Variants in ETS2 observed in about 807,000 individuals in gnomAD.
ETS2 encodes the protein protein C-ets-2.
A neutral mutation model predicts 54.9 loss-of-function variants in ETS2; 19 were observed. That is an observed-to-expected ratio of 0.35 (90% CI 0.24 to 0.51). The LOEUF is 0.51. Ranked by LOEUF, ETS2 falls within the 20% of genes least tolerant of loss-of-function variation. ETS2 has a pLI of 0.97. For missense variants in ETS2, 417 were observed against 593.0 expected (o/e 0.70, Z 3.08); for synonymous variants, 219 against 229.3 (o/e 0.95, Z 0.41).
rs1601434046 is a variant in ETS2, at chr21:38,822,842, G to A, written c.1363G>A (p.Glu455Lys). Reference protein sequence around the residue: ...DLQNLLGFTPEELHAILGVQP... With the variant: ...DLQNLLGFTPKELHAILGVQP... ...CCAGAACTTGCTGGGGTTCACGCCC[G>A]AGGAACTGCACGCCATCCTGGGCGT... The change falls in exon 10 of 10, where the codon GAG becomes AAG. Residue 455 changes from glutamate to lysine, a missense_variant. Glu to Lys is a moderately conservative substitution (Grantham distance 56). Around this residue, in one of 3 missense-constraint regions of ETS2, gnomAD observed 31 missense variants for 32.8 expected, o/e 0.95. Coordinates refer to ENST00000360938, the MANE Select transcript of ETS2 (RefSeq NM_005239.6). The A allele has an allele frequency of 6.2e-7, 1 of 1,608,352 alleles. No individual in the cohort carries two copies. Among genetic ancestry groups the A allele is most frequent in the Admixed American group, 1.7e-5 (1 of 59,704 alleles).
rs1248128805 is a variant in ETS2 at position 38,821,133 on chromosome 21, G to A, written c.1076-453G>A. 6.6e-6 allele frequency among the ~76,000 whole-genome samples: 1 copy of A among 152,136 alleles called. No homozygotes were observed. The highest frequency in any genetic ancestry group is 1.5e-5 in the Non-Finnish European group (1 of 68,036). On this transcript the variant is annotated intron_variant, in intron 8 of 9. Transcript: ENST00000360938. The surrounding 1 kb of genome is among the most constrained non-coding windows in gnomAD (Gnocchi z 4.2). ...GCAGGAAGGTGGCATGGGATCCCAC[G>A]TATGACACGCCTCATTCTGTGATGA...
intron 1 of ETS2, among the ~76,000 whole-genome samples, chr21:38,809,249 G>C (rs2060904987): frequency 6.6e-6 from 1 of 152,136 alleles, no homozygotes; most frequent in East Asian, 1.9e-4. Context: ...CTAGCCACTG[G>C]TTGAGAGCTC....
chr21:38,820,655 G>T (rs1270330568), intron 8 of ETS2, among the ~76,000 whole-genome samples: 1 of 152,196 alleles, frequency 6.6e-6, no homozygotes, highest in East Asian at 1.9e-4. Context: ...CATGGGGGTG[G>T]TATGAGGCCA....
Position 38,814,695 on chromosome 21 carries a change from G to T in ETS2, c.305-86G>T, listed in dbSNP as rs2060926048. The stretch of plus-strand genomic sequence containing the variant: ...TGGGTTCTGGTGTATGTCGGTACTT[G>T]GTGCATAAATTAGGGATGACAGTGG... On this transcript the variant is annotated intron_variant, in intron 4 of 9. Transcript: ENST00000360938. This position sits in a 1 kb window ranked among gnomAD's most constrained non-coding sequence, Gnocchi z 4.2. 10 of 1,210,648 alleles carry T rather than the reference G, an allele frequency of 8.3e-6. No individual in the cohort carries two copies. In the South Asian group the frequency reaches 1.2e-4, roughly 14 times the overall value. The allele number at this position is 1,210,648 out of a possible 1,614,324, so 75.0% of individuals were successfully genotyped here.
In ETS2 at chr21:38,806,851, T is replaced by G. The variant is rs1445467533; in HGVS notation, c.-1+731T>G. On this transcript the variant is annotated intron_variant, in intron 1 of 9. Transcript: ENST00000360938. The surrounding 1 kb of genome is among the most constrained non-coding windows in gnomAD (Gnocchi z 4.3). ...TGTGTGTGTTTGGGTTGCGTGTGTG[T>G]TATCCTATTTTATTTTTTACGGCAG... 10 of 985,122 alleles carry G rather than the reference T, an allele frequency of 1.0e-5. No individual in the cohort carries two copies. The highest frequency in any genetic ancestry group is 1.1e-5 in the Non-Finnish European group (9 of 829,752). 61.0% of individuals were successfully genotyped at this position (985,122 alleles called of 1,614,324 possible).
At chr21:38,820,877 G>A (rs1398601441) in intron 8 of ETS2, among the ~76,000 whole-genome samples, 1 of 152,212 alleles carries the variant, frequency 6.6e-6, no homozygotes. Flanking sequence ...GTGTGATCCA[G>A]GACAAGGCAC....
rs2060968020 is a variant in ETS2 at position 38,823,805 on chromosome 21, C to T, written c.*916C>T. The T allele has an allele frequency of 6.6e-6, 1 of 152,552 alleles. No homozygotes were observed. Among genetic ancestry groups the T allele is most frequent in the South Asian group, 2.1e-4 (1 of 4,830 alleles). 9.4% of individuals were successfully genotyped at this position (152,552 alleles called of 1,614,324 possible). ...AAGCAGTATTTTTCTTGACAAATGG[C>T]ATATGTTTTCCACTTCTTTGCATGC... On this transcript the variant is annotated 3_prime_UTR_variant, in exon 10 of 10. Coordinates refer to ENST00000360938, the MANE Select transcript of ETS2 (RefSeq NM_005239.6).
chr21:38,818,139 G>T (rs955213490), intron 6 of ETS2, among the ~76,000 whole-genome samples: 4 of 152,208 alleles, frequency 2.6e-5, no homozygotes, highest in Non-Finnish European at 5.9e-5. Context: ...GAGCCAGTGA[G>T]CCCTGTCTTC....
chr21:38,805,981 C>G lies in ETS2; in HGVS notation c.-140C>G. On this transcript the variant is annotated 5_prime_UTR_variant, in exon 1 of 10. Coordinates refer to ENST00000360938, the MANE Select transcript of ETS2 (RefSeq NM_005239.6). This position sits in a 1 kb window ranked among gnomAD's most constrained non-coding sequence, Gnocchi z 5.2. Reference sequence around the variant, plus strand: ...GCGGTGTCGCTCCAGCTCAGAGCTCCCGGAGCCGCCCGGCCAGCGTCCGGC... The same window carrying G: ...GCGGTGTCGCTCCAGCTCAGAGCTCGCGGAGCCGCCCGGCCAGCGTCCGGC... The G allele has an allele frequency of 7.9e-7, 1 of 1,264,094 alleles. No homozygotes were observed. Among genetic ancestry groups the G allele is most frequent in the Non-Finnish European group, 1.0e-6 (1 of 979,152 alleles). The allele number at this position is 1,264,094 out of a possible 1,614,324, so 78.3% of individuals were successfully genotyped here.
chr21:38,816,900 A>G (rs2060937554), intron 5 of ETS2, 108 bp from the exon 6 acceptor site: 1 of 686,302 alleles, frequency 1.5e-6, no homozygotes, highest in Non-Finnish European at 2.6e-6. Context: ...CACTCCGTGC[A>G]TCTCATCATT....
At chr21:38,818,705 C>T in intron 7 of ETS2, 59 bp downstream of exon 7, 1 of 1,567,568 alleles carries the variant, frequency 6.4e-7, no homozygotes, top group Non-Finnish European at 8.8e-7. Context: ...ACCCCAGAGC[C>T]ATAATGAACC....
In ETS2 at chr21:38,806,012, T is replaced by A. The variant is rs1401758360; in HGVS notation, c.-109T>A. On this transcript the variant is annotated 5_prime_UTR_variant, in exon 1 of 10. Coordinates refer to ENST00000360938, the MANE Select transcript of ETS2 (RefSeq NM_005239.6). This position sits in a 1 kb window ranked among gnomAD's most constrained non-coding sequence, Gnocchi z 4.3. ...CCGCCCGGCCAGCGTCCGGCCTCCC[T>A]GATCGTCTCTGGCCGGCGCCCTCGC... 1.6e-6 allele frequency: 2 copies of A among 1,260,820 alleles called. No individual in the cohort carries two copies. The highest frequency in any genetic ancestry group is 1.6e-5 in the African/African-American group (1 of 62,240). 78.1% of individuals were successfully genotyped at this position (1,260,820 alleles called of 1,614,324 possible).
intron 6 of ETS2, among the ~76,000 whole-genome samples, 179 bp downstream of exon 6, chr21:38,817,270 G>T (rs915630923): frequency 6.6e-6 from 1 of 152,218 alleles, no homozygotes; most frequent in African/African-American, 2.4e-5. Context: ...GAGATGTGTA[G>T]GAAGAGTATA....
rs571290575 is a variant in ETS2 at position 38,821,972 on chromosome 21, C to T, written c.1194+268C>T. On this transcript the variant is annotated intron_variant, in intron 9 of 9. Coordinates refer to ENST00000360938, the MANE Select transcript of ETS2 (RefSeq NM_005239.6). This position sits in a 1 kb window ranked among gnomAD's most constrained non-coding sequence, Gnocchi z 4.2. ...TTGTCTGATCAAGAGGCCCAAGCTGCAAACTGAGGTTCTCTGCTGACCATC... is the reference window on the plus strand; with the variant it reads ...TTGTCTGATCAAGAGGCCCAAGCTGTAAACTGAGGTTCTCTGCTGACCATC... 4.5e-4 allele frequency among the ~76,000 whole-genome samples: 68 copies of T among 152,274 alleles called. No individual in the cohort carries two copies. The highest frequency in any genetic ancestry group is 8.3e-4 in the South Asian group (4 of 4,824).
rs1441888060 is a variant in ETS2 at position 38,816,990 on chromosome 21, C to T, written c.506-18C>T. 1.3e-6 allele frequency: 2 copies of T among 1,492,142 alleles called. No homozygotes were observed. The highest frequency in any genetic ancestry group is 1.7e-5 in the Admixed American group (1 of 59,842). 92.4% of individuals were successfully genotyped at this position (1,492,142 alleles called of 1,614,324 possible). A position where few individuals can be genotyped will look rare whatever the true frequency, so the allele number is the denominator to read the frequency against. On this transcript the variant is annotated intron_variant, in intron 5 of 9. Coordinates refer to ENST00000360938, the MANE Select transcript of ETS2 (RefSeq NM_005239.6). The stretch of plus-strand genomic sequence containing the variant: ...CACCTACATCTGCCATCTTACGTCT[C>T]CTGTGTCTGCTTTTCAGAAAACCAA...
At position 38,819,661 on chromosome 21, in the gene ETS2, C is replaced by A. The variant is rs1001566013; in HGVS notation, c.970C>A (p.Leu324Ile). ...FEDDCSQSLC[L>I]NKPTMSFKDY... ...AGATGACTGCAGCCAGTCTCTCTGCCTCAATAAGCCAACCATGTCTTTCAA... is the reference window on the plus strand; with the variant it reads ...AGATGACTGCAGCCAGTCTCTCTGCATCAATAAGCCAACCATGTCTTTCAA... The change falls in exon 8 of 10, where the codon CTC becomes ATC. Residue 324 changes from leucine (L) to isoleucine (I), a missense_variant. This residue lies in a region of ETS2 where 326 missense variants were observed against 426.1 expected (regional missense o/e 0.76). Transcript: ENST00000360938. 15 of 1,614,136 alleles carry A rather than the reference C, an allele frequency of 9.3e-6. No individual in the cohort carries two copies. The highest frequency in any genetic ancestry group is 1.2e-5 in the Non-Finnish European group (14 of 1,180,018).
rs574675392 is a variant in ETS2 at position 38,819,110 on chromosome 21, T to C, written c.812-393T>C. Among the ~76,000 whole-genome samples the C allele has an allele frequency of 5.9e-5, 9 of 152,342 alleles. No homozygotes were observed. The South Asian group carries it at 1.9e-3, about 32-fold the overall frequency. ...TGTCCCCCCGACAGAAGGGAACGAT[T>C]CTGACTTTTATCATTACGGATTAGG... On this transcript the variant is annotated intron_variant, in intron 7 of 9. Coordinates refer to ENST00000360938, the MANE Select transcript of ETS2 (RefSeq NM_005239.6).
In ETS2 at chr21:38,823,657, C is replaced by G. The variant is rs1271668562; in HGVS notation, c.*768C>G. 6.6e-6 allele frequency: 1 copy of G among 152,568 alleles called. No homozygotes were observed. Among genetic ancestry groups the G allele is most frequent in the Non-Finnish European group, 1.5e-5 (1 of 68,146 alleles). 9.5% of individuals were successfully genotyped at this position (152,568 alleles called of 1,614,324 possible). ...TGTTTGTTTGTTTTTGGGGGGTTTTCTTGCCTTGGTTGTCTGGCAAGGACT... is the reference window on the plus strand; with the variant it reads ...TGTTTGTTTGTTTTTGGGGGGTTTTGTTGCCTTGGTTGTCTGGCAAGGACT... On this transcript the variant is annotated 3_prime_UTR_variant, in exon 10 of 10. Coordinates refer to ENST00000360938, the MANE Select transcript of ETS2 (RefSeq NM_005239.6).
At chr21:38,809,789 G>A in intron 1 of ETS2, 1 of 363,290 alleles carries the variant, frequency 2.8e-6, no homozygotes, top group Non-Finnish European at 5.0e-6. Context: ...ACATCTAAGT[G>A]GAATTCAGTG....
Sources: allele counts gnomAD v4.1 joint callset (sites outside exome capture counted in the v4.1 genomes callset), GRCh38; gene constraint gnomAD v4.1.1; regional missense constraint gnomAD v4.1.1; non-coding constraint Gnocchi (gnomAD v3.1); transcripts MANE v1.5; gene names NCBI Gene and HGNC (gene_info 2026-07-23, HGNC 2026-07-21).